ANXA11: variants seen among roughly 807,000 people sequenced by gnomAD.
ANXA11 encodes 56 kDa autoantigen.
In ANXA11, 57 loss-of-function variants were observed where a neutral mutation model predicts 64.7. The ratio of observed to expected loss-of-function variants is 0.88; its 90% CI spans 0.71 to 1.10. ANXA11 has a LOEUF of 1.10. ANXA11 is among the 50% of genes least tolerant of loss of function. The pLI, the probability that ANXA11 is intolerant of heterozygous loss-of-function variation, is 0.00. For missense variants in ANXA11, 675 were observed against 670.7 expected, an observed-to-expected ratio of 1.01 and a Z score of -0.07; for synonymous variants, 260 against 265.2, an observed-to-expected ratio of 0.98 and a Z score of 0.19.
At chr10:80,161,794 A>C (rs1471904932) in intron 12 of ANXA11, 141 bp downstream of exon 12, 1 of 667,680 alleles carries the variant, frequency 1.5e-6, no homozygotes, top group African/African-American at 1.8e-5. Flanking sequence ...GTGTCTTTTA[A>C]ATTCCCACCA....
At chr10:80,159,604 C>T (rs553389703) in intron 12 of ANXA11, among the ~76,000 whole-genome samples, 1 of 152,312 alleles carries the variant, frequency 6.6e-6, no homozygotes, top group South Asian at 2.1e-4. Flanking sequence ...AGAGGACTCA[C>T]ATGAGGTGGC....
At chr10:80,190,504 G>A (rs957113610) in intron 1 of ANXA11, among the ~76,000 whole-genome samples, 3 of 29,922 alleles carry the variant, frequency 1.0e-4, no homozygotes, top group African/African-American at 2.7e-4. Context: ...TTTTTTTTTT[G>A]AGACGGAGTC....
intron 1 of ANXA11, among the ~76,000 whole-genome samples, chr10:80,183,371 C>G (rs149573645): frequency 3.2e-4 from 49 of 152,362 alleles, no homozygotes; most frequent in African/African-American, 1.1e-3. Flanking sequence ...CAGGGGCAAC[C>G]CTTTTTGAGG....
intron 3 of ANXA11, chr10:80,171,145 C>G: frequency 6.9e-7 from 1 of 1,444,738 alleles, no homozygotes; most frequent in African/African-American, 1.4e-5. Flanking sequence ...TGGAGTTCCC[C>G]AAACACTCCC....
rs2095571 is a variant in ANXA11 at position 80,153,090 on chromosome 10, T to C, written c.*2763A>G. ...TGGCCTGGATATCCACCTTGGTCTA[T>C]TCCTTGACCAAAGCACATCCATGTA... On this transcript the variant is annotated 3_prime_UTR_variant, in exon 16 of 16. Transcript: ENST00000422982. 57,780 of 152,080 alleles carry C rather than the reference T, an allele frequency of 0.38. 11,510 individuals carry two copies. The highest frequency in any genetic ancestry group is 0.5 in the African/African-American group (20,582 of 41,466). 9.4% of individuals were successfully genotyped at this position (152,080 alleles called of 1,614,324 possible).
At chr10:80,199,998 G>A (rs1840347836) in intron 1 of ANXA11, among the ~76,000 whole-genome samples, 1 of 152,226 alleles carries the variant, frequency 6.6e-6, no homozygotes, top group Admixed American at 6.5e-5. Flanking sequence ...CTTGCTGTCT[G>A]GAATGAGGAA....
intron 3 of ANXA11, chr10:80,171,647 G>A (rs930099033): frequency 4.1e-5 from 40 of 985,436 alleles, no homozygotes; most frequent in Non-Finnish European, 4.7e-5. Flanking sequence ...ATGGGCATTC[G>A]ACATCATCAT....
chr10:80,169,156 C>T lies in ANXA11; in HGVS notation c.374G>A (p.Gly125Glu). The T allele has an allele frequency of 1.3e-6, 2 of 1,568,740 alleles. No homozygotes were observed. The highest frequency in any genetic ancestry group is 2.0e-5 in the Admixed American group (1 of 50,658). The change falls in exon 5 of 16, where the codon GGG (glycine) becomes GAG (glutamate). Residue 125 changes from glycine (G) to glutamate (E), a missense_variant. Coordinates refer to ENST00000422982, the MANE Select transcript of ANXA11 (RefSeq NM_145868.2). Reference sequence around the variant, plus strand: ...CATGGGCTGGCCCGGCACAGGGGCCCCTGGGTATGGCGGATATGAGGGCAT... The same window carrying T: ...CATGGGCTGGCCCGGCACAGGGGCCTCTGGGTATGGCGGATATGAGGGCAT... Reference protein sequence around the residue: ...SRMPSYPPYPGAPVPGQPMPP... With the variant: ...SRMPSYPPYPEAPVPGQPMPP...
chr10:80,168,845 T>C (rs1374986864), intron 5 of ANXA11, 124 bp downstream of exon 5: 5 of 1,152,294 alleles, frequency 4.3e-6, no homozygotes, highest in Non-Finnish European at 5.8e-6. Flanking sequence ...CCGACACTAT[T>C]TGTTAAAACA....
chr10:80,163,500 T>C (rs1845598866), intron 10 of ANXA11, 34 bp downstream of exon 10: 6 of 1,601,086 alleles, frequency 3.7e-6, no homozygotes, highest in Non-Finnish European at 5.1e-6. Flanking sequence ...CTTCCATGGC[T>C]TGGGGGCCCC....
At chr10:80,184,649 G>A (rs1211587070) in intron 1 of ANXA11, among the ~76,000 whole-genome samples, 1 of 152,118 alleles carries the variant, frequency 6.6e-6, no homozygotes, top group Non-Finnish European at 1.5e-5. Context: ...TTGAGATCAG[G>A]CTTCTACATC....
In ANXA11 at chr10:80,175,920, G is replaced by A. The variant is rs1202991802; in HGVS notation, c.-9+187C>T. The stretch of plus-strand genomic sequence containing the variant: ...AATACAAAAATTAGCCAGGCGTGGT[G>A]GTGGGTGCCTGTAATACCAGCTACT... On this transcript the variant is annotated intron_variant, in intron 2 of 15. Coordinates refer to ENST00000422982, the MANE Select transcript of ANXA11 (RefSeq NM_145868.2). 2.6e-5 allele frequency among the ~76,000 whole-genome samples: 4 copies of A among 152,118 alleles called. No homozygotes were observed. The East Asian group carries it at 7.7e-4, about 29-fold the overall frequency.
intron 1 of ANXA11, among the ~76,000 whole-genome samples, chr10:80,200,219 T>G (rs1840359849): frequency 6.6e-6 from 1 of 152,214 alleles, no homozygotes; most frequent in African/African-American, 2.4e-5. Flanking sequence ...GAGACCTGAT[T>G]ACTAACCGCT....
At chr10:80,183,299 C>T (rs778098676) in intron 1 of ANXA11, among the ~76,000 whole-genome samples, 1 of 152,222 alleles carries the variant, frequency 6.6e-6, no homozygotes, top group Non-Finnish European at 1.5e-5. Flanking sequence ...AGAAAAGGAT[C>T]TCAGCCAGCA....
At chr10:80,196,496 G>A (rs961721264) in intron 1 of ANXA11, among the ~76,000 whole-genome samples, 1 of 152,136 alleles carries the variant, frequency 6.6e-6, no homozygotes, top group Non-Finnish European at 1.5e-5. Flanking sequence ...GGAATTCTGG[G>A]GGCAGGGAGG....
chr10:80,190,405 T>C (rs1268560036), intron 1 of ANXA11, among the ~76,000 whole-genome samples: 3 of 152,220 alleles, frequency 2.0e-5, no homozygotes, highest in South Asian at 2.1e-4. Flanking sequence ...GTTTGCTTTA[T>C]TTCACATTGT....
intron 3 of ANXA11, 78 bp downstream of exon 3, chr10:80,172,729 C>T: frequency 7.0e-7 from 1 of 1,420,550 alleles, no homozygotes; most frequent in South Asian, 1.1e-5. Context: ...AGTGAGGAAA[C>T]TACTGTTCTC....
In ANXA11 at chr10:80,170,871, T is replaced by G. The variant is rs762135310; in HGVS notation, c.100A>C (p.Met34Leu). The G allele has an allele frequency of 1.3e-6, 2 of 1,556,668 alleles. No homozygotes were observed. Among genetic ancestry groups the G allele is most frequent in the African/African-American group, 2.8e-5 (2 of 72,416 alleles). The change falls in exon 4 of 16, where the codon ATG becomes CTG. Residue 34 changes from methionine (M) to leucine (L), a missense_variant. By Grantham distance (15) the Met-to-Leu change is conservative. Coordinates refer to ENST00000422982, the MANE Select transcript of ANXA11 (RefSeq NM_145868.2). ...GGAAYPPPPS[M>L]PPIGLDNVAT... The stretch of plus-strand genomic sequence containing the variant: ...ACGTTATCCAGCCCGATGGGGGGCA[T>G]GCTGGGCGGAGGAGGGTAGGCAGCA...
rs191055058 is a variant in ANXA11, at chr10:80,202,733, G to A, written c.-58+2610C>T. Among the ~76,000 whole-genome samples the A allele has an allele frequency of 4.1e-3, 624 of 152,158 alleles. 10 individuals carry two copies. Among genetic ancestry groups the A allele is most frequent in the Non-Finnish European group, 5.9e-3 (402 of 68,014 alleles). On this transcript the variant is annotated intron_variant, in intron 1 of 15. Transcript: ENST00000422982. Reference sequence around the variant, plus strand: ...GTGCCAGGAACTGCTTCAGGCTTACGGGGGAAAACAGTGGCTAAGAAGAGA... The same window carrying A: ...GTGCCAGGAACTGCTTCAGGCTTACAGGGGAAAACAGTGGCTAAGAAGAGA...
Sources: allele counts gnomAD v4.1 joint callset (sites outside exome capture counted in the v4.1 genomes callset), GRCh38; gene constraint gnomAD v4.1.1; transcripts MANE v1.5; gene names NCBI Gene and HGNC (gene_info 2026-07-23, HGNC 2026-07-21).